Variants in B3GALT1 observed in about 807,000 individuals in gnomAD.
B3GALT1 encodes UDP-Gal:betaGlcNAc beta 1,3-galactosyltransferase, polypeptide 1.
In B3GALT1, 10 loss-of-function variants were observed where a neutral mutation model predicts 23.2. That is an observed-to-expected ratio of 0.43 (90% CI 0.27 to 0.73). B3GALT1 has a LOEUF of 0.73. Among genes scored for constraint, B3GALT1 ranks in the 30% least tolerant of loss-of-function variants. The pLI is 0.21. For synonymous variants in B3GALT1, 156 were observed against 141.5 expected (o/e 1.10, Z -0.73); for missense variants, 299 against 405.4 (o/e 0.74, Z 2.25).
intron 2 of B3GALT1, among the ~76,000 whole-genome samples, chr2:167,624,292 T>C (rs994687497): frequency 6.6e-6 from 1 of 152,004 alleles, no homozygotes; most frequent in African/African-American, 2.4e-5. Context: ...CCCCCGGAGA[T>C]TGAAATCCCT....
chr2:167,515,293 C>T (rs750450050), intron 2 of B3GALT1, among the ~76,000 whole-genome samples: 2 of 152,102 alleles, frequency 1.3e-5, no homozygotes, highest in Non-Finnish European at 2.9e-5. Context: ...ATGCACATAT[C>T]TACTTCAAGT....
intron 3 of B3GALT1, among the ~76,000 whole-genome samples, chr2:167,664,647 G>T (rs1036315948): frequency 5.3e-5 from 8 of 152,136 alleles, no homozygotes; most frequent in East Asian, 1.9e-4. Flanking sequence ...TCGAGCAGTG[G>T]TTTGTAGTTC....
intron 3 of B3GALT1, among the ~76,000 whole-genome samples, chr2:167,711,449 G>C (rs1426478619): frequency 6.6e-6 from 1 of 152,186 alleles, no homozygotes; most frequent in Admixed American, 6.5e-5. Flanking sequence ...GTAGAAAAAG[G>C]TAGTACCTGA....
intron 3 of B3GALT1, among the ~76,000 whole-genome samples, chr2:167,668,236 G>A (rs1190963958): frequency 2.0e-5 from 3 of 152,026 alleles, no homozygotes; most frequent in Non-Finnish European, 4.4e-5. Context: ...TGCCCCTGCT[G>A]GAGGGTGCCT....
At chr2:167,633,209 A>G (rs112265532) in intron 2 of B3GALT1, among the ~76,000 whole-genome samples, 5,649 of 152,016 alleles carry the variant, frequency 0.037, 360 homozygotes, top group African/African-American at 0.13. Context: ...AATCCTTGAG[A>G]AGAGCAACCT....
Position 167,317,547 on chromosome 2 carries a change from C to T in B3GALT1, c.-511+24213C>T, listed in dbSNP as rs186136261. On this transcript the variant is annotated intron_variant, in intron 1 of 4. Transcript: ENST00000392690. ...GAAGCCTAGTCACTTATCTGATTTC[C>T]AAAAGACACTTCTATATTCTCCTTG... Among the ~76,000 whole-genome samples the T allele has an allele frequency of 1.3e-4, 20 of 152,202 alleles. No homozygotes were observed. The East Asian group carries it at 3.9e-3, about 29-fold the overall frequency.
intron 3 of B3GALT1, among the ~76,000 whole-genome samples, chr2:167,781,898 C>T (rs912926421): frequency 2.0e-5 from 3 of 152,058 alleles, no homozygotes; most frequent in Admixed American, 6.5e-5. Context: ...TGTGCCCCTA[C>T]GCCCAGTGAA....
At chr2:167,504,926 G>A (rs915328034) in intron 2 of B3GALT1, among the ~76,000 whole-genome samples, 5 of 152,126 alleles carry the variant, frequency 3.3e-5, no homozygotes, top group African/African-American at 1.2e-4. Flanking sequence ...ACCTAACAAT[G>A]CATTTCTCAG....
chr2:167,641,787 AC>A (rs1424366954), intron 2 of B3GALT1, among the ~76,000 whole-genome samples: 1 of 151,848 alleles, frequency 6.6e-6, no homozygotes, highest in Non-Finnish European at 1.5e-5. Flanking sequence ...CAGTGGTGGG[AC>A]CCCTTCTCTT....
At chr2:167,552,757 G>A (rs1683771962) in intron 2 of B3GALT1, among the ~76,000 whole-genome samples, 2 of 152,172 alleles carry the variant, frequency 1.3e-5, no homozygotes, top group African/African-American at 4.8e-5. Flanking sequence ...GGATACTAGT[G>A]AGCTTTTCCT....
intron 4 of B3GALT1, among the ~76,000 whole-genome samples, chr2:167,821,124 T>C (rs1689097031): frequency 6.6e-6 from 1 of 152,208 alleles, no homozygotes; most frequent in East Asian, 1.9e-4. Flanking sequence ...AGGCCATTCA[T>C]AGCTGAGGCT....
chr2:167,778,666 T>G (rs1688201397), intron 3 of B3GALT1, among the ~76,000 whole-genome samples: 1 of 152,242 alleles, frequency 6.6e-6, no homozygotes, highest in Non-Finnish European at 1.5e-5. Context: ...TTTGGATTTA[T>G]AAGTAACTTA....
intron 2 of B3GALT1, among the ~76,000 whole-genome samples, chr2:167,595,021 C>T (rs1461700674): frequency 6.6e-6 from 1 of 152,186 alleles, no homozygotes; most frequent in African/African-American, 2.4e-5. Flanking sequence ...TACTTTGGCA[C>T]TTGATCTGTC....
At chr2:167,849,682 T>C (rs1430261170) in intron 4 of B3GALT1, among the ~76,000 whole-genome samples, 3 of 151,900 alleles carry the variant, frequency 2.0e-5, no homozygotes, top group African/African-American at 4.8e-5. Flanking sequence ...GGTCAGGAGA[T>C]CGAGACCATC....
At chr2:167,356,390 T>C (rs1697404556) in intron 1 of B3GALT1, among the ~76,000 whole-genome samples, 1 of 152,216 alleles carries the variant, frequency 6.6e-6, no homozygotes, top group Non-Finnish European at 1.5e-5. Context: ...TTTGTGATTA[T>C]TGTTGTCTTG....
intron 2 of B3GALT1, among the ~76,000 whole-genome samples, chr2:167,498,488 C>T (rs767267163): frequency 6.6e-6 from 1 of 152,026 alleles, no homozygotes; most frequent in East Asian, 1.9e-4. Context: ...GCTTTGTTTC[C>T]TGCTTTCTCT....
chr2:167,746,307 T>C (rs1025491865), intron 3 of B3GALT1, among the ~76,000 whole-genome samples: 3 of 152,236 alleles, frequency 2.0e-5, no homozygotes, highest in African/African-American at 7.2e-5. Context: ...ATGAGATCTT[T>C]ATTAAGTTTC....
chr2:167,671,712 T>A (rs558520730), intron 3 of B3GALT1, among the ~76,000 whole-genome samples: 6 of 151,276 alleles, frequency 4.0e-5, no homozygotes, highest in Non-Finnish European at 8.9e-5. Flanking sequence ...AATAAACAAC[T>A]TTAAAGCTCA....
intron 3 of B3GALT1, among the ~76,000 whole-genome samples, chr2:167,690,427 A>G (rs182153511): frequency 2.1e-4 from 32 of 152,194 alleles, no homozygotes; most frequent in Non-Finnish European, 3.7e-4. Flanking sequence ...AAGAAAGTGA[A>G]GTAATATTTA....
Sources: allele counts gnomAD v4.1 joint callset (sites outside exome capture counted in the v4.1 genomes callset), GRCh38; gene constraint gnomAD v4.1.1; transcripts MANE v1.5; gene names NCBI Gene and HGNC (gene_info 2026-07-23, HGNC 2026-07-21).